The following HSF2 variants were observed in gnomAD, a reference collection of about 807,000 sequenced individuals.
HSF2 encodes the protein heat shock factor protein 2.
A neutral mutation model predicts 65.0 loss-of-function variants in HSF2; 21 were observed. That is an observed-to-expected ratio of 0.32 (90% CI 0.23 to 0.47). The LOEUF (loss-of-function observed/expected upper bound fraction) is 0.47. Among genes scored for constraint, HSF2 ranks in the 20% least tolerant of loss-of-function variants. The pLI is 1.00. For missense variants in HSF2, 499 were observed against 628.1 expected (o/e 0.79, Z 2.20); for synonymous variants, 225 against 219.1 (o/e 1.03, Z -0.24).
At chr6:122,414,148 A>G (rs757262938) in intron 4 of HSF2, among the ~76,000 whole-genome samples, 3 of 152,352 alleles carry the variant, frequency 2.0e-5, no homozygotes, top group African/African-American at 2.4e-5. Context: ...TATTTCGTAT[A>G]GACTTGGAAA....
At chr6:122,427,373 C>T (rs772366632) in intron 10 of HSF2, among the ~76,000 whole-genome samples, 123 of 152,062 alleles carry the variant, frequency 8.1e-4, no homozygotes, top group Middle Eastern at 6.8e-3. Context: ...GATCTTAGCA[C>T]TTAAAATTTT....
In HSF2 at chr6:122,412,653, A is replaced by G. The variant is rs749672652; in HGVS notation, c.219A>G (p.Val73=). The G allele has an allele frequency of 4.3e-6, 7 of 1,612,146 alleles. No homozygotes were observed. Among genetic ancestry groups the G allele is most frequent in the Non-Finnish European group, 5.9e-6 (7 of 1,178,448 alleles). Residue 73 remains valine, a synonymous_variant, in exon 3 of 13, where the codon GTA becomes GTG. Transcript: ENST00000368455. ...ATTTTTCAGATGGTTTCCGTAAAGT[A>G]GTACATATCGACTCTGGAATTGTAA... The part of the protein sequence containing the change: ...RQLNMYGFRK[V]VHIDSGIVKQ...
chr6:122,411,198 AATG>A (rs2114430355), intron 1 of HSF2, among the ~76,000 whole-genome samples: 1 of 151,602 alleles, frequency 6.6e-6, no homozygotes, highest in Non-Finnish European at 1.5e-5. Flanking sequence ...TCATTTCCCT[AATG>A]ATTTGTGTTA....
intron 5 of HSF2, among the ~76,000 whole-genome samples, chr6:122,418,495 A>G (rs1378521657): frequency 6.6e-6 from 1 of 152,214 alleles, no homozygotes; most frequent in Non-Finnish European, 1.5e-5. Flanking sequence ...GTGTGTCTTC[A>G]CAATTTTCTC....
chr6:122,430,316 G>A (rs9490451), intron 11 of HSF2, among the ~76,000 whole-genome samples: 83,148 of 151,920 alleles, frequency 0.55, 22,980 homozygotes, highest in South Asian at 0.68. Flanking sequence ...AGTATTCTCT[G>A]ATGGTAGTTT....
intron 4 of HSF2, among the ~76,000 whole-genome samples, chr6:122,415,986 C>T (rs1582613002): frequency 1.3e-5 from 2 of 152,268 alleles, no homozygotes; most frequent in Middle Eastern, 6.8e-3. Context: ...CACTGCACTT[C>T]AGCCTGGGCG....
intron 1 of HSF2, among the ~76,000 whole-genome samples, chr6:122,410,894 C>G (rs186292715): frequency 1.4e-3 from 208 of 148,522 alleles, no homozygotes; most frequent in Admixed American, 2.3e-3. Context: ...AATATCTGTT[C>G]AAGTCGTTGC....
upstream of HSF2, chr6:122,399,612 G>A (rs115726791): frequency 5.3e-5 from 39 of 734,110 alleles, no homozygotes; most frequent in East Asian, 1.5e-4. Flanking sequence ...GCGGGGTTGG[G>A]GGGGCGGGGA....
chr6:122,411,814 A>C (rs755948733), intron 1 of HSF2, among the ~76,000 whole-genome samples: 1 of 151,306 alleles, frequency 6.6e-6, no homozygotes. Flanking sequence ...TACTTTGATT[A>C]CTTTATTTTT....
intron 1 of HSF2, among the ~76,000 whole-genome samples, chr6:122,405,416 G>A (rs1773848570): frequency 6.6e-6 from 1 of 152,140 alleles, no homozygotes; most frequent in Non-Finnish European, 1.5e-5. Flanking sequence ...AAGTTTAATA[G>A]AGTTACTGAC....
In HSF2 at chr6:122,429,360, TTAAGC is replaced by T. The variant is rs142108813; in HGVS notation, c.1230+1405_1230+1409del. On this transcript the variant is annotated intron_variant, in intron 11 of 12. Coordinates refer to ENST00000368455, the MANE Select transcript of HSF2 (RefSeq NM_004506.4). ...TATAGTTTTCAAAAACTATAAGCAGTTAAGCAACAAATTGCATTTTGCTCTACAAT... is the reference window on the plus strand; with the variant it reads ...TATAGTTTTCAAAAACTATAAGCAGTAACAAATTGCATTTTGCTCTACAAT... Among the ~76,000 whole-genome samples, 321 of 152,186 alleles carry T rather than the reference TTAAGC, an allele frequency of 2.1e-3. 2 individuals are homozygous for T. Among genetic ancestry groups the T allele is most frequent in the African/African-American group, 5.9e-3 (247 of 41,550 alleles).
At chr6:122,404,415 A>G (rs1351338564) in intron 1 of HSF2, among the ~76,000 whole-genome samples, 1 of 152,230 alleles carries the variant, frequency 6.6e-6, no homozygotes, top group African/African-American at 2.4e-5. Flanking sequence ...TTGATTTTCA[A>G]GTATTTTTAT....
intron 1 of HSF2, among the ~76,000 whole-genome samples, chr6:122,400,141 C>T (rs1212322754): frequency 6.6e-6 from 1 of 152,152 alleles, no homozygotes; most frequent in African/African-American, 2.4e-5. Flanking sequence ...CGAGGGGAAT[C>T]GGCGAGCCGA....
chr6:122,420,350 A>G (rs921600301), intron 7 of HSF2, 128 bp downstream of exon 7: 1 of 619,606 alleles, frequency 1.6e-6, no homozygotes, highest in Non-Finnish European at 2.6e-6. Context: ...GCTTTGTTAA[A>G]TTGTGACATT....
intron 7 of HSF2, among the ~76,000 whole-genome samples, chr6:122,420,637 C>CTTT (rs67028816): frequency 0.67 from 92,999 of 138,290 alleles, 31,158 homozygotes; most frequent in South Asian, 0.83. Flanking sequence ...TATAGTGTGG[C>CTTT]TTTTTTTTAA....
Position 122,431,469 on chromosome 6 carries a change from G to A in HSF2, c.1270G>A (p.Val424Ile). ...KGLETTKNNV[V>I]QPVSEEGRKS... ...ATTAGAAACTACCAAGAACAATGTAGTTCAGCCAGTTTCGGAAGAGGGAAG... is the reference window on the plus strand; with the variant it reads ...ATTAGAAACTACCAAGAACAATGTAATTCAGCCAGTTTCGGAAGAGGGAAG... The change falls in exon 12 of 13, where the codon GTT (valine) becomes ATT (isoleucine). Residue 424 changes from valine (V) to isoleucine (I), a missense_variant. Coordinates refer to ENST00000368455, the MANE Select transcript of HSF2 (RefSeq NM_004506.4). The A allele has an allele frequency of 1.3e-6, 2 of 1,591,698 alleles. No individual in the cohort carries two copies. Among genetic ancestry groups the A allele is most frequent in the South Asian group, 1.1e-5 (1 of 88,468 alleles).
rs958431441 is a variant in HSF2 at position 122,430,088 on chromosome 6, G to A, written c.1231-1342G>A. Among the ~76,000 whole-genome samples, 7 of 152,030 alleles carry A rather than the reference G, an allele frequency of 4.6e-5. No individual in the cohort carries two copies. The East Asian group carries it at 1.2e-3, about 25-fold the overall frequency. ...GAATAGTTTCAGAAGGAATGGTACC[G>A]CTCCTCTTTGTACCTCTGGTAGAAT... On this transcript the variant is annotated intron_variant, in intron 11 of 12. Coordinates refer to ENST00000368455, the MANE Select transcript of HSF2 (RefSeq NM_004506.4).
intron 10 of HSF2, 72 bp downstream of exon 10, chr6:122,423,758 G>A (rs1271605080): frequency 1.8e-5 from 14 of 763,214 alleles, no homozygotes; most frequent in South Asian, 4.6e-5. Flanking sequence ...AAACCAGTAC[G>A]TCATTTTGTT....
intron 10 of HSF2, among the ~76,000 whole-genome samples, chr6:122,424,175 C>T (rs772168940): frequency 2.0e-5 from 3 of 151,934 alleles, no homozygotes; most frequent in Non-Finnish European, 2.9e-5. Flanking sequence ...GCTCCAGTCC[C>T]CACCACCATC....
Sources: gnomAD v4.1 joint callset for allele counts (sites outside exome capture counted in the v4.1 genomes callset) on GRCh38, gnomAD v4.1.1 for gene constraint, MANE v1.5 for transcripts, NCBI Gene and HGNC (gene_info 2026-07-23, HGNC 2026-07-21) for gene names.